ZNF385D: variants seen among roughly 807,000 people sequenced by gnomAD.
ZNF385D encodes the protein zinc finger protein 385D.
Under a neutral mutation model 35.8 loss-of-function variants are expected in ZNF385D, and 15 were observed. The ratio of observed to expected loss-of-function variants is 0.42; its 90% CI spans 0.28 to 0.64. ZNF385D has a LOEUF of 0.64. ZNF385D is among the 30% of genes least tolerant of loss of function. The probability of loss-of-function intolerance (pLI) is 0.23; values close to 1 mark genes in which losing one functional copy is unlikely to be tolerated. For synonymous variants in ZNF385D, 212 were observed against 186.8 expected, an observed-to-expected ratio of 1.13 and a Z score of -1.10; for missense variants, 474 against 494.6, an observed-to-expected ratio of 0.96 and a Z score of 0.39.
intron 1 of ZNF385D, among the ~76,000 whole-genome samples, chr3:21,711,553 C>A (rs912543721): frequency 6.6e-6 from 1 of 152,088 alleles, no homozygotes; most frequent in African/African-American, 2.4e-5. Flanking sequence ...AGCCCCAGAA[C>A]CCATACATCA....
intron 5 of ZNF385D, among the ~76,000 whole-genome samples, chr3:21,436,249 C>G (rs552589713): frequency 4.6e-5 from 7 of 152,092 alleles, no homozygotes; most frequent in African/African-American, 1.7e-4. Context: ...ATTGGGAGAG[C>G]ATTTTATCCC....
chr3:21,475,344 T>C (rs1397033118), intron 4 of ZNF385D, among the ~76,000 whole-genome samples: 1 of 152,096 alleles, frequency 6.6e-6, no homozygotes. Context: ...TCTGGAGCAG[T>C]GAACCTTCTG....
At chr3:21,788,994 G>T (rs2071812531) in intron 3 of ZNF385D, among the ~76,000 whole-genome samples, 1 of 152,126 alleles carries the variant, frequency 6.6e-6, no homozygotes, top group Non-Finnish European at 1.5e-5. Context: ...TCTGACAGAT[G>T]AGACCATGTG....
intron 3 of ZNF385D, among the ~76,000 whole-genome samples, chr3:22,078,121 T>A (rs1227906280): frequency 6.6e-6 from 1 of 152,044 alleles, no homozygotes; most frequent in Non-Finnish European, 1.5e-5. Context: ...GCTAAAAGCA[T>A]GGGAGAATTT....
At chr3:22,030,303 C>T (rs1353691023) in intron 3 of ZNF385D, among the ~76,000 whole-genome samples, 22 of 25,182 alleles carry the variant, frequency 8.7e-4, no homozygotes, top group Non-Finnish European at 1.4e-3. Flanking sequence ...ATATATATAT[C>T]CTATTTGGTC....
chr3:21,859,056 AAAGGT>A (rs147852549), intron 3 of ZNF385D, among the ~76,000 whole-genome samples: 3,893 of 152,204 alleles, frequency 0.026, 70 homozygotes, highest in Non-Finnish European at 0.041. Context: ...CGGGGAGAGA[AAAGGT>A]AAAACTCAGC....
chr3:21,467,389 A>G (rs17008892), intron 4 of ZNF385D, among the ~76,000 whole-genome samples: 31,176 of 152,208 alleles, frequency 0.2, 3,336 homozygotes, highest in East Asian at 0.26. Flanking sequence ...TGGAAGACAA[A>G]GTAAGACTGT....
intron 3 of ZNF385D, among the ~76,000 whole-genome samples, chr3:21,981,050 T>G (rs1007482095): frequency 6.6e-6 from 1 of 152,298 alleles, no homozygotes. Context: ...GTCTTTATGG[T>G]AGAATAATTT....
At chr3:22,300,507 T>C (rs750733935) in intron 2 of ZNF385D, among the ~76,000 whole-genome samples, 10 of 151,812 alleles carry the variant, frequency 6.6e-5, no homozygotes, top group Admixed American at 4.6e-4. Flanking sequence ...AGACAACCTA[T>C]AGATGACCAC....
Position 21,564,694 on chromosome 3 carries a change from GAAAA to G in ZNF385D, c.166-14_166-11del. ...TCTGAATCGGGTCCATCTGTAATGA[GAAAA>G]AAGAAATACAACAAATAGAAATAAA... On this transcript the variant is annotated splice_polypyrimidine_tract_variant and intron_variant, in intron 2 of 7. Transcript: ENST00000281523. The G allele has an allele frequency of 2.0e-6, 3 of 1,488,692 alleles. No individual in the cohort carries two copies. The highest frequency in any genetic ancestry group is 2.7e-6 in the Non-Finnish European group (3 of 1,104,548). 92.2% of individuals were successfully genotyped at this position (1,488,692 alleles called of 1,614,324 possible).
chr3:21,619,994 G>A (rs2064957316), intron 2 of ZNF385D, among the ~76,000 whole-genome samples: 1 of 152,102 alleles, frequency 6.6e-6, no homozygotes, highest in Non-Finnish European at 1.5e-5. Flanking sequence ...CCTCTGTTCT[G>A]GGTCCCAACC....
intron 1 of ZNF385D, among the ~76,000 whole-genome samples, chr3:21,719,809 C>A (rs1264999289): frequency 6.6e-6 from 1 of 152,204 alleles, no homozygotes; most frequent in African/African-American, 2.4e-5. Flanking sequence ...GTAAATTACT[C>A]TATGCTGCAT....
intron 3 of ZNF385D, among the ~76,000 whole-genome samples, chr3:21,924,766 A>G (rs1344823764): frequency 6.6e-6 from 1 of 152,098 alleles, no homozygotes; most frequent in African/African-American, 2.4e-5. Context: ...GGTATTCTGT[A>G]GAGAGGCATA....
At chr3:21,430,313 T>C (rs1028429786) in intron 5 of ZNF385D, among the ~76,000 whole-genome samples, 22 of 152,072 alleles carry the variant, frequency 1.4e-4, no homozygotes, top group African/African-American at 4.6e-4. Context: ...CAGTAATATA[T>C]CCAAAGTCCA....
At chr3:22,221,594 C>T (rs1298195914) in intron 2 of ZNF385D, among the ~76,000 whole-genome samples, 2 of 152,118 alleles carry the variant, frequency 1.3e-5, no homozygotes, top group African/African-American at 2.4e-5. Context: ...TTTCTCATCA[C>T]TTCAGGGTTT....
At chr3:21,694,453 T>G (rs1191026978) in intron 1 of ZNF385D, among the ~76,000 whole-genome samples, 2 of 152,172 alleles carry the variant, frequency 1.3e-5, no homozygotes, top group Non-Finnish European at 2.9e-5. Context: ...GGTTAGGGGA[T>G]TCTCCTGCTC....
At chr3:21,802,990 C>T (rs2072475884) in intron 3 of ZNF385D, among the ~76,000 whole-genome samples, 1 of 152,138 alleles carries the variant, frequency 6.6e-6, no homozygotes, top group Admixed American at 6.6e-5. Context: ...TGGATAAATT[C>T]CAAGTCTCAG....
intron 3 of ZNF385D, among the ~76,000 whole-genome samples, chr3:21,538,922 C>T (rs1017029098): frequency 2.0e-5 from 3 of 151,958 alleles, no homozygotes; most frequent in African/African-American, 7.2e-5. Context: ...GATTCAAAGT[C>T]AAGCATTAGC....
At chr3:21,908,277 A>T (rs1699798997) in intron 3 of ZNF385D, among the ~76,000 whole-genome samples, 1 of 152,080 alleles carries the variant, frequency 6.6e-6, no homozygotes, top group Non-Finnish European at 1.5e-5. Context: ...ACGTAAGGAA[A>T]AGAAAAATAT....
Sources: allele counts gnomAD v4.1 joint callset (sites outside exome capture counted in the v4.1 genomes callset), GRCh38; gene constraint gnomAD v4.1.1; transcripts MANE v1.5; gene names NCBI Gene and HGNC (gene_info 2026-07-23, HGNC 2026-07-21).